The following TTC29 variants were observed in gnomAD, a reference collection of about 807,000 sequenced individuals.
The protein encoded by TTC29 is tetratricopeptide repeat domain 29, also known as tetratricopeptide repeat protein 29.
A neutral mutation model predicts 58.1 loss-of-function variants in TTC29; 49 were observed. The ratio of observed to expected loss-of-function variants is 0.84; its 90% CI spans 0.67 to 1.07. The LOEUF is 1.07. Among genes scored for constraint, TTC29 ranks in the 50% least tolerant of loss-of-function variants. TTC29 has a pLI of 0.00. For synonymous variants in TTC29, 209 were observed against 196.8 expected (o/e 1.06, Z -0.52); for missense variants, 582 against 555.6 (o/e 1.05, Z -0.48).
chr4:146,835,214 A>G (rs1004896576), intron 8 of TTC29, among the ~76,000 whole-genome samples: 3 of 152,120 alleles, frequency 2.0e-5, no homozygotes, highest in Admixed American at 6.6e-5. Flanking sequence ...ATGTTAAATG[A>G]TGAGTTAATG....
At chr4:146,814,037 G>A (rs538207245) in intron 10 of TTC29, among the ~76,000 whole-genome samples, 1 of 152,252 alleles carries the variant, frequency 6.6e-6, no homozygotes, top group East Asian at 1.9e-4. Flanking sequence ...TTTCACAAGT[G>A]AGAGAATACT....
At chr4:146,897,134 T>G (rs1379378282) in intron 6 of TTC29, among the ~76,000 whole-genome samples, 1 of 152,154 alleles carries the variant, frequency 6.6e-6, no homozygotes, top group Non-Finnish European at 1.5e-5. Context: ...CCTACAGACT[T>G]ACTCATGGTC....
intron 8 of TTC29, among the ~76,000 whole-genome samples, chr4:146,846,216 C>A (rs1004055571): frequency 6.6e-6 from 1 of 152,194 alleles, no homozygotes; most frequent in Non-Finnish European, 1.5e-5. Flanking sequence ...TCAGCACAAT[C>A]TTCATAGAAG....
chr4:146,896,152 T>C (rs552411795), intron 6 of TTC29, among the ~76,000 whole-genome samples: 1 of 152,322 alleles, frequency 6.6e-6, no homozygotes, highest in South Asian at 2.1e-4. Context: ...ATTCTTGAAC[T>C]TTTAATTTTG....
intron 8 of TTC29, among the ~76,000 whole-genome samples, chr4:146,866,375 T>C (rs1730565952): frequency 6.6e-6 from 1 of 152,170 alleles, no homozygotes; most frequent in Admixed American, 6.6e-5. Context: ...TGTTCTATCA[T>C]TGTGGACTCT....
At chr4:146,942,134 C>A (rs2150341478) in intron 2 of TTC29, among the ~76,000 whole-genome samples, 1 of 152,228 alleles carries the variant, frequency 6.6e-6, no homozygotes, top group Non-Finnish European at 1.5e-5. Flanking sequence ...TAATGGAGAT[C>A]AGTGGTTTAT....
intron 6 of TTC29, among the ~76,000 whole-genome samples, chr4:146,901,041 G>T (rs1342525314): frequency 1.3e-5 from 1 of 78,008 alleles, no homozygotes; most frequent in African/African-American, 3.6e-5. Flanking sequence ...TTCTTTTGGT[G>T]GGGGGGTCAG....
intron 6 of TTC29, among the ~76,000 whole-genome samples, chr4:146,898,872 C>A (rs1351520204): frequency 6.6e-6 from 1 of 152,186 alleles, no homozygotes; most frequent in Non-Finnish European, 1.5e-5. Context: ...CCAAGACTGA[C>A]CTCTCCAGTC....
At chr4:146,890,080 T>C (rs190207288) in intron 6 of TTC29, among the ~76,000 whole-genome samples, 2 of 152,158 alleles carry the variant, frequency 1.3e-5, no homozygotes, top group East Asian at 1.9e-4. Flanking sequence ...TGACACCACA[T>C]TGAATATTAT....
At chr4:146,880,037 A>C (rs927624311) in intron 6 of TTC29, among the ~76,000 whole-genome samples, 4 of 152,178 alleles carry the variant, frequency 2.6e-5, no homozygotes, top group African/African-American at 9.7e-5. Context: ...GCATGGCTCT[A>C]TACCAAGCAA....
At chr4:146,902,620 G>A (rs902626897) in intron 6 of TTC29, among the ~76,000 whole-genome samples, 11 of 151,962 alleles carry the variant, frequency 7.2e-5, no homozygotes, top group Non-Finnish European at 7.4e-5. Flanking sequence ...CAAGTCCCTT[G>A]CCAGTCCCTC....
chr4:146,760,798 T>C (rs1053755519), intron 11 of TTC29, among the ~76,000 whole-genome samples: 1 of 127,270 alleles, frequency 7.9e-6, no homozygotes, highest in African/African-American at 3.1e-5. Flanking sequence ...TATGATGGAA[T>C]ACTATATATA....
intron 11 of TTC29, among the ~76,000 whole-genome samples, chr4:146,783,176 T>A (rs778962778): frequency 6.6e-6 from 1 of 152,112 alleles, no homozygotes; most frequent in Non-Finnish European, 1.5e-5. Context: ...CATTGTGGAA[T>A]GGCTAAGTCA....
chr4:146,793,711 T>A (rs564419562), intron 11 of TTC29, among the ~76,000 whole-genome samples: 1 of 152,174 alleles, frequency 6.6e-6, no homozygotes, highest in South Asian at 2.1e-4. Flanking sequence ...AGAAAAGCAA[T>A]AGGTTGGTTT....
At chr4:146,806,404 G>A (rs1028110902) in intron 10 of TTC29, among the ~76,000 whole-genome samples, 1 of 152,122 alleles carries the variant, frequency 6.6e-6, no homozygotes, top group Non-Finnish European at 1.5e-5. Context: ...AATGTAAATG[G>A]GCTAAATGCC....
intron 11 of TTC29, among the ~76,000 whole-genome samples, chr4:146,778,032 T>C (rs973467281): frequency 6.6e-6 from 1 of 152,198 alleles, no homozygotes; most frequent in Non-Finnish European, 1.5e-5. Flanking sequence ...AATGGAGATG[T>C]CAAGTGTTGG....
intron 8 of TTC29, among the ~76,000 whole-genome samples, chr4:146,854,216 C>T (rs907640226): frequency 2.0e-5 from 3 of 152,134 alleles, no homozygotes; most frequent in African/African-American, 7.2e-5. Context: ...CTCAATTCCA[C>T]ATCTCAAAGT....
rs1182094416 is a variant in TTC29 at position 146,742,645 on chromosome 4, TTTCC to T, written c.1331-35098_1331-35095del. Among the ~76,000 whole-genome samples the T allele has an allele frequency of 1.4e-3, 169 of 116,798 alleles. 1 individual carries two copies. The highest frequency in any genetic ancestry group is 4.3e-3 in the Middle Eastern group (1 of 230). The allele number at this position is 116,798 out of a possible 152,430, so 76.6% of individuals were successfully genotyped here. On this transcript the variant is annotated intron_variant, in intron 11 of 12. Coordinates refer to ENST00000325106, the MANE Select transcript of TTC29 (RefSeq NM_031956.4). Reference sequence around the variant, plus strand: ...CTTCCTTCCTTCGTTTCCTTCCTTCTTTCCTTCCTTCCTTCTTTACTTCAATTCC... The same window carrying T: ...CTTCCTTCCTTCGTTTCCTTCCTTCTTTCCTTCCTTCTTTACTTCAATTCC...
chr4:146,862,393 T>C (rs1198118322), intron 8 of TTC29, among the ~76,000 whole-genome samples: 1 of 152,054 alleles, frequency 6.6e-6, no homozygotes, highest in Non-Finnish European at 1.5e-5. Flanking sequence ...GAAGATATGT[T>C]GAAATTTGCA....
Sources: allele counts gnomAD v4.1 joint callset (sites outside exome capture counted in the v4.1 genomes callset), GRCh38; gene constraint gnomAD v4.1.1; transcripts MANE v1.5; gene names NCBI Gene and HGNC (gene_info 2026-07-23, HGNC 2026-07-21).